PTPRT: variants seen among roughly 807,000 people sequenced by gnomAD.
PTPRT encodes the protein protein tyrosine phosphatase receptor type T.
A neutral mutation model predicts 176.8 loss-of-function variants in PTPRT; 56 were observed. The ratio of observed to expected loss-of-function variants is 0.32; its 90% confidence interval spans 0.26 to 0.40. The LOEUF is 0.40. Ranked by LOEUF, PTPRT falls within the 10% of genes least tolerant of loss-of-function variation. The pLI, the probability that PTPRT is intolerant of heterozygous loss-of-function variation, is 1.00. For missense variants in PTPRT, 1,540 were observed against 1,908.2 expected (o/e 0.81, Z 3.60); for synonymous variants, 783 against 739.0 (o/e 1.06, Z -0.96).
chr20:42,317,907 G>T (rs1440322720), intron 11 of PTPRT, among the ~76,000 whole-genome samples: 1 of 152,220 alleles, frequency 6.6e-6, no homozygotes, highest in Non-Finnish European at 1.5e-5. Flanking sequence ...TGACAGTTCA[G>T]AGTGCATGTG....
At chr20:42,856,365 C>T (rs539042067) in intron 2 of PTPRT, among the ~76,000 whole-genome samples, 5 of 152,024 alleles carry the variant, frequency 3.3e-5, no homozygotes, top group Non-Finnish European at 5.9e-5. Context: ...GGGAAAAGTA[C>T]AAGACTTAAA....
intron 7 of PTPRT, among the ~76,000 whole-genome samples, chr20:42,656,913 C>T (rs776617644): frequency 1.3e-5 from 2 of 152,074 alleles, no homozygotes; most frequent in African/African-American, 2.4e-5. Flanking sequence ...TGCCAAGTCA[C>T]CCATCACTCC....
chr20:43,075,570 G>A (rs938523446), intron 1 of PTPRT, among the ~76,000 whole-genome samples: 2 of 152,218 alleles, frequency 1.3e-5, no homozygotes, highest in African/African-American at 4.8e-5. Flanking sequence ...CAAGTGAAAT[G>A]TGTTACCCAA....
chr20:42,408,952 A>C (rs189359702), intron 9 of PTPRT, among the ~76,000 whole-genome samples: 3 of 152,350 alleles, frequency 2.0e-5, no homozygotes, highest in South Asian at 4.1e-4. Flanking sequence ...TATCTCTCTC[A>C]TAAGAACGCT....
chr20:42,419,815 G>C (rs1200608452), intron 9 of PTPRT, among the ~76,000 whole-genome samples: 3 of 152,118 alleles, frequency 2.0e-5, no homozygotes, highest in Non-Finnish European at 4.4e-5. Flanking sequence ...AGGTCATTAG[G>C]GTGGGCCCTA....
chr20:42,592,552 C>G (rs2066332258), intron 7 of PTPRT, among the ~76,000 whole-genome samples: 1 of 152,162 alleles, frequency 6.6e-6, no homozygotes, highest in African/African-American at 2.4e-5. Flanking sequence ...CTCATTCCTC[C>G]CTAAACACAG....
chr20:42,726,096 A>AT (rs1273416045), intron 6 of PTPRT, among the ~76,000 whole-genome samples: 135 of 144,898 alleles, frequency 9.3e-4, no homozygotes, highest in African/African-American at 2.7e-3. Context: ...TATTATTATT[A>AT]TAGACTGAGT....
intron 7 of PTPRT, among the ~76,000 whole-genome samples, chr20:42,526,662 G>T (rs2072272564): frequency 2.6e-5 from 4 of 151,860 alleles, no homozygotes; most frequent in Admixed American, 2.6e-4. Flanking sequence ...TTCCATGATT[G>T]TATTATAAGT....
At chr20:42,677,729 C>T (rs2075531320) in intron 7 of PTPRT, 137 bp downstream of exon 7, 2 of 1,034,902 alleles carry the variant, frequency 1.9e-6, no homozygotes, top group Admixed American at 2.6e-5. Context: ...GGCCTTGATC[C>T]TGTTTATCCA....
intron 7 of PTPRT, among the ~76,000 whole-genome samples, chr20:42,560,564 T>C (rs994813030): frequency 2.6e-5 from 4 of 152,154 alleles, no homozygotes; most frequent in Non-Finnish European, 4.4e-5. Flanking sequence ...GGGAGCAAAA[T>C]TGCCTCAGGG....
chr20:42,236,370 A>G, intron 14 of PTPRT, 112 bp from the exon 15 acceptor site: 1 of 920,144 alleles, frequency 1.1e-6, no homozygotes, highest in Non-Finnish European at 1.7e-6. Flanking sequence ...AGAAATGCAC[A>G]TATTATTTCA....
intron 7 of PTPRT, among the ~76,000 whole-genome samples, chr20:42,594,877 T>C (rs1157370885): frequency 6.6e-6 from 1 of 152,166 alleles, no homozygotes; most frequent in Non-Finnish European, 1.5e-5. Context: ...CTGACGTCAG[T>C]GGTACTGTGG....
At chr20:42,993,184 C>A (rs1010767953) in intron 1 of PTPRT, among the ~76,000 whole-genome samples, 1 of 151,552 alleles carries the variant, frequency 6.6e-6, no homozygotes, top group African/African-American at 2.4e-5. Flanking sequence ...TTTGGGAGGC[C>A]GAGGTGGGTG....
intron 1 of PTPRT, among the ~76,000 whole-genome samples, chr20:43,116,476 T>C (rs2013062653): frequency 1.3e-5 from 2 of 152,214 alleles, no homozygotes; most frequent in African/African-American, 4.8e-5. Flanking sequence ...AAGAGTTATT[T>C]ATCAGACATA....
rs75213022 is a variant in PTPRT at position 42,379,727 on chromosome 20, C to T, written c.1561-27442G>A. On this transcript the variant is annotated intron_variant, in intron 9 of 30. Transcript: ENST00000373187. ...TGTAATTTCAAGGTAATTTGAACTT[C>T]CTTCTTCTTGGGCATGAATGGAAAA... Among the ~76,000 whole-genome samples the T allele has an allele frequency of 2.0e-5, 3 of 152,244 alleles. No individual in the cohort carries two copies. In the East Asian group the frequency reaches 5.8e-4, roughly 29 times the overall value.
At chr20:42,705,579 AATAATAATAATG>A (rs1055671084) in intron 6 of PTPRT, among the ~76,000 whole-genome samples, 11 of 152,134 alleles carry the variant, frequency 7.2e-5, no homozygotes, top group African/African-American at 2.2e-4. Context: ...AGGACCTTAC[AATAATAATAATG>A]ATAATGTGCA....
chr20:42,394,083 C>T (rs1214720412), intron 9 of PTPRT, among the ~76,000 whole-genome samples: 1 of 149,848 alleles, frequency 6.7e-6, no homozygotes, highest in African/African-American at 2.5e-5. Flanking sequence ...ATGGATATGC[C>T]TTCAAAAATG....
intron 1 of PTPRT, among the ~76,000 whole-genome samples, chr20:43,173,034 G>A (rs1049192761): frequency 1.3e-5 from 2 of 151,986 alleles, no homozygotes; most frequent in East Asian, 1.9e-4. Context: ...CACCAGACAC[G>A]GCTAATTTTG....
the PTPRT span, among the ~76,000 whole-genome samples, chr20:42,038,805 C>T: frequency 1.3e-5 from 2 of 151,934 alleles, no homozygotes; most frequent in African/African-American, 2.4e-5. Flanking sequence ...TGGAGAATCT[C>T]GGGTTCCAGG....
Sources: allele counts gnomAD v4.1 joint callset (sites outside exome capture counted in the v4.1 genomes callset), GRCh38; gene constraint gnomAD v4.1.1; transcripts MANE v1.5; gene names NCBI Gene and HGNC (gene_info 2026-07-23, HGNC 2026-07-21).